Variants in NXPH2 observed in about 807,000 individuals in gnomAD.
NXPH2 encodes the protein neurexophilin-2.
A neutral mutation model predicts 19.8 loss-of-function variants in NXPH2; 5 were observed. The ratio of observed to expected loss-of-function variants is 0.25; its 90% CI spans 0.13 to 0.53. The LOEUF (loss-of-function observed/expected upper bound fraction) is 0.53, where lower values mean the gene tolerates loss of function less well. Ranked by LOEUF, NXPH2 falls within the 20% of genes least tolerant of loss-of-function variation. The pLI, the probability that NXPH2 is intolerant of heterozygous loss-of-function variation, is 0.96. For synonymous variants in NXPH2, 154 were observed against 127.4 expected (o/e 1.21, Z -1.41); for missense variants, 289 against 322.8 (o/e 0.90, Z 0.80).
At chr2:138,734,914 A>C (rs561530311) in intron 1 of NXPH2, among the ~76,000 whole-genome samples, 50 of 152,300 alleles carry the variant, frequency 3.3e-4, no homozygotes, top group Non-Finnish European at 6.8e-4. Flanking sequence ...GAATGAGGAG[A>C]TACAAATCAG....
At chr2:138,748,255 A>C (rs1652202365) in intron 1 of NXPH2, among the ~76,000 whole-genome samples, 1 of 152,208 alleles carries the variant, frequency 6.6e-6, no homozygotes. Context: ...GAACACAGGA[A>C]TGAGACAGTT....
intron 1 of NXPH2, among the ~76,000 whole-genome samples, chr2:138,771,870 A>G (rs536820144): frequency 6.6e-6 from 1 of 152,306 alleles, no homozygotes; most frequent in Non-Finnish European, 1.5e-5. Context: ...CCCAAAAGAA[A>G]TCTGGGTGGA....
chr2:138,679,782 G>A (rs1389390194), intron 1 of NXPH2, among the ~76,000 whole-genome samples: 2 of 152,146 alleles, frequency 1.3e-5, no homozygotes, highest in African/African-American at 2.4e-5. Flanking sequence ...AATGGAAAGC[G>A]TAAATCAGTT....
At chr2:138,746,440 T>C (rs1018566161) in intron 1 of NXPH2, among the ~76,000 whole-genome samples, 1 of 152,206 alleles carries the variant, frequency 6.6e-6, no homozygotes, top group Admixed American at 6.5e-5. Flanking sequence ...TGCTCCCTCG[T>C]GCCTGGCTCC....
intron 1 of NXPH2, among the ~76,000 whole-genome samples, chr2:138,750,913 A>T (rs1681819772): frequency 6.6e-6 from 1 of 152,002 alleles, no homozygotes; most frequent in Non-Finnish European, 1.5e-5. Context: ...GGATGTTTCC[A>T]TGTCTGGCTT....
Position 138,702,966 on chromosome 2 carries a change from G to T in NXPH2, c.52-31301C>A, listed in dbSNP as rs538100397. On this transcript the variant is annotated intron_variant, in intron 1 of 1. Coordinates refer to ENST00000272641, the MANE Select transcript of NXPH2 (RefSeq NM_007226.3). The stretch of plus-strand genomic sequence containing the variant: ...CAAACTTAATGAGAACTAAATCAAA[G>T]GATGTTCTATTGACAAATTAATTTG... 1.4e-4 allele frequency among the ~76,000 whole-genome samples: 21 copies of T among 152,246 alleles called. No individual in the cohort carries two copies. In the East Asian group the frequency reaches 3.7e-3, roughly 27 times the overall value.
intron 1 of NXPH2, among the ~76,000 whole-genome samples, chr2:138,706,929 A>T (rs1043466643): frequency 6.6e-6 from 1 of 151,746 alleles, no homozygotes; most frequent in Non-Finnish European, 1.5e-5. Flanking sequence ...AAAGAAAAAA[A>T]AGTTAAGGTG....
intron 1 of NXPH2, among the ~76,000 whole-genome samples, chr2:138,779,759 G>C (rs1006840739): frequency 1.3e-5 from 2 of 152,202 alleles, no homozygotes; most frequent in African/African-American, 2.4e-5. Context: ...TTTGGGAGAA[G>C]TGTCTGTGTG....
chr2:138,673,131 G>T (rs958787432), intron 1 of NXPH2, among the ~76,000 whole-genome samples: 3 of 152,052 alleles, frequency 2.0e-5, no homozygotes, highest in Non-Finnish European at 2.9e-5. Context: ...ATTTTCTTCC[G>T]CATTCCTGGA....
At chr2:138,729,298 A>C (rs1161831429) in intron 1 of NXPH2, among the ~76,000 whole-genome samples, 2 of 152,148 alleles carry the variant, frequency 1.3e-5, no homozygotes, top group African/African-American at 2.4e-5. Context: ...AATTCTCATG[A>C]GATCTGATGG....
At position 138,761,869 on chromosome 2, in the gene NXPH2, G is replaced by A. The variant is rs142851747; in HGVS notation, c.51+18322C>T. 4.6e-5 allele frequency among the ~76,000 whole-genome samples: 7 copies of A among 152,314 alleles called. No homozygotes were observed. In the East Asian group the frequency reaches 9.6e-4, roughly 21 times the overall value. ...TTTAAAGTACTGATCAGTGTTCAGG[G>A]AGGATGTCCAGGGAGTAATGCTAAA... On this transcript the variant is annotated intron_variant, in intron 1 of 1. Coordinates refer to ENST00000272641, the MANE Select transcript of NXPH2 (RefSeq NM_007226.3).
intron 1 of NXPH2, among the ~76,000 whole-genome samples, chr2:138,702,165 G>A (rs1320110797): frequency 6.6e-6 from 1 of 151,936 alleles, no homozygotes; most frequent in Non-Finnish European, 1.5e-5. Flanking sequence ...CTCCCAGGCT[G>A]GAGTACAGTG....
intron 1 of NXPH2, among the ~76,000 whole-genome samples, chr2:138,724,615 A>T (rs1443870561): frequency 6.6e-6 from 1 of 152,254 alleles, no homozygotes; most frequent in African/African-American, 2.4e-5. Context: ...TAACAAAAGA[A>T]TAGCCTCACA....
Position 138,671,308 on chromosome 2 carries a change from G to A in NXPH2, c.409C>T (p.His137Tyr). The change falls in exon 2 of 2, where the codon CAT (histidine) becomes TAT (tyrosine). Residue 137 changes from histidine to tyrosine, a missense_variant. Transcript: ENST00000272641. ...NLLITGKIVD[H>Y]GNGTFSVYFR... ...TACACACTGAAGGTTCCATTTCCAT[G>A]GTCAACAATTTTCCCTGTGATGAGG... 1 of 1,613,702 alleles carries A rather than the reference G, an allele frequency of 6.2e-7. No homozygotes were observed. Among genetic ancestry groups the A allele is most frequent in the South Asian group, 1.1e-5 (1 of 91,036 alleles).
At chr2:138,700,591 T>C (rs1216665677) in intron 1 of NXPH2, among the ~76,000 whole-genome samples, 1 of 152,136 alleles carries the variant, frequency 6.6e-6, no homozygotes, top group Non-Finnish European at 1.5e-5. Flanking sequence ...CTGTGATTGA[T>C]GAGAATTTGT....
At chr2:138,674,222 C>G (rs1436465770) in intron 1 of NXPH2, among the ~76,000 whole-genome samples, 1 of 151,888 alleles carries the variant, frequency 6.6e-6, no homozygotes, top group Non-Finnish European at 1.5e-5. Context: ...GGTGCAATCT[C>G]AGCTTACTAC....
intron 1 of NXPH2, among the ~76,000 whole-genome samples, chr2:138,704,539 G>T (rs372088139): frequency 1.1e-4 from 17 of 152,326 alleles, no homozygotes; most frequent in Admixed American, 7.8e-4. Context: ...CACAGTCCTA[G>T]AAAGCTTATG....
intron 1 of NXPH2, among the ~76,000 whole-genome samples, chr2:138,759,099 A>G (rs1681961547): frequency 6.6e-6 from 1 of 152,156 alleles, no homozygotes; most frequent in Non-Finnish European, 1.5e-5. Context: ...TCCAGACATT[A>G]AAAGAAATTT....
intron 1 of NXPH2, among the ~76,000 whole-genome samples, chr2:138,745,226 C>T (rs935901933): frequency 6.6e-6 from 1 of 152,140 alleles, no homozygotes; most frequent in Non-Finnish European, 1.5e-5. Context: ...AGAGTGAGGG[C>T]CATTCCCTGA....
Sources: allele counts gnomAD v4.1 joint callset (sites outside exome capture counted in the v4.1 genomes callset), GRCh38; gene constraint gnomAD v4.1.1; transcripts MANE v1.5; gene names NCBI Gene and HGNC (gene_info 2026-07-23, HGNC 2026-07-21).